SOX6: variants seen among roughly 807,000 people sequenced by gnomAD.
The protein encoded by SOX6 is SRY-box transcription factor 6.
In SOX6, 11 loss-of-function variants were observed where a neutral mutation model predicts 97.8. That is an observed-to-expected ratio of 0.11 (90% CI 0.07 to 0.19). The LOEUF (loss-of-function observed/expected upper bound fraction) is 0.19, where lower values mean the gene tolerates loss of function less well. Ranked by LOEUF, SOX6 falls within the 10% of genes least tolerant of loss-of-function variation. The probability of loss-of-function intolerance (pLI) is 1.00; values close to 1 mark genes in which losing one functional copy is unlikely to be tolerated. For missense variants in SOX6, 810 were observed against 1,039.5 expected (o/e 0.78, Z 3.04); for synonymous variants, 360 against 371.4 (o/e 0.97, Z 0.35).
At chr11:16,421,110 G>A (rs540597578) in intron 1 of SOX6, among the ~76,000 whole-genome samples, 1 of 152,206 alleles carries the variant, frequency 6.6e-6, no homozygotes, top group East Asian at 1.9e-4. Flanking sequence ...ACTCAACCTG[G>A]AGTCTAACAG....
At chr11:16,446,288 A>G (rs1328174119) in intron 1 of SOX6, among the ~76,000 whole-genome samples, 1 of 152,120 alleles carries the variant, frequency 6.6e-6, no homozygotes, top group Non-Finnish European at 1.5e-5. Context: ...GGAAAAAGAA[A>G]GAGACAGAAA....
chr11:16,548,659 A>G (rs947716655), intron 4 of SOX6, among the ~76,000 whole-genome samples: 2 of 152,164 alleles, frequency 1.3e-5, no homozygotes, highest in African/African-American at 4.8e-5. Context: ...GACACTTAAA[A>G]TGAACGGGCT....
At chr11:16,038,312 G>T (rs1358179908) in intron 12 of SOX6, among the ~76,000 whole-genome samples, 1 of 152,042 alleles carries the variant, frequency 6.6e-6, no homozygotes, top group Admixed American at 6.6e-5. Context: ...AAACCCTTGT[G>T]CATAGAAACT....
intron 12 of SOX6, among the ~76,000 whole-genome samples, chr11:16,025,853 TA>T (rs947175475): frequency 2.0e-5 from 3 of 152,064 alleles, no homozygotes; most frequent in Non-Finnish European, 4.4e-5. Flanking sequence ...TCCTATAATT[TA>T]AAAAAATATG....
intron 1 of SOX6, among the ~76,000 whole-genome samples, chr11:16,412,629 C>T (rs1439394658): frequency 5.3e-5 from 8 of 152,086 alleles, no homozygotes; most frequent in Non-Finnish European, 2.9e-5. Context: ...AAAAGTAAAC[C>T]AACAGGCAAA....
chr11:15,974,547 G>A (rs1186175780), intron 15 of SOX6, among the ~76,000 whole-genome samples: 21 of 78,412 alleles, frequency 2.7e-4, no homozygotes, highest in South Asian at 3.9e-4. Flanking sequence ...CCCCTCCCCC[G>A]ACCCGACCAC....
chr11:16,413,589 C>T (rs1238061067), intron 1 of SOX6, among the ~76,000 whole-genome samples: 2 of 138,056 alleles, frequency 1.4e-5, no homozygotes, highest in African/African-American at 5.5e-5. Context: ...GGCGTGATCT[C>T]GGCTCACTGC....
chr11:16,239,074 G>C (rs1026546195), intron 3 of SOX6, among the ~76,000 whole-genome samples: 4 of 152,012 alleles, frequency 2.6e-5, no homozygotes, highest in Admixed American at 2.0e-4. Context: ...TTTTCATTAG[G>C]AAACACAGAG....
intron 3 of SOX6, among the ~76,000 whole-genome samples, chr11:16,622,085 A>T (rs1216700336): frequency 1.3e-5 from 2 of 152,150 alleles, no homozygotes; most frequent in East Asian, 3.9e-4. Context: ...TGCAAAAAGT[A>T]AAAAATTCAA....
chr11:16,469,761 G>A (rs990996822), intron 1 of SOX6, among the ~76,000 whole-genome samples: 3 of 151,962 alleles, frequency 2.0e-5, no homozygotes, highest in African/African-American at 7.2e-5. Flanking sequence ...AATTCAGAAA[G>A]TCAGAGAGGG....
intron 6 of SOX6, among the ~76,000 whole-genome samples, chr11:16,135,522 A>G (rs1849938181): frequency 6.6e-6 from 1 of 152,188 alleles, no homozygotes; most frequent in South Asian, 2.1e-4. Flanking sequence ...GATGATTTTG[A>G]GGGGTTCAAG....
At chr11:16,523,767 T>G (rs570975414) in intron 4 of SOX6, among the ~76,000 whole-genome samples, 1 of 151,696 alleles carries the variant, frequency 6.6e-6, no homozygotes, top group Non-Finnish European at 1.5e-5. Context: ...GAAAGAAGAA[T>G]CAAATAGACT....
chr11:16,189,667 C>A (rs183492620), intron 4 of SOX6, among the ~76,000 whole-genome samples: 279 of 147,550 alleles, frequency 1.9e-3, no homozygotes, highest in Middle Eastern at 7.1e-3. Context: ...GTGATATGGT[C>A]ATTTTGGTTG....
intron 3 of SOX6, among the ~76,000 whole-genome samples, chr11:16,612,853 C>G (rs1279717695): frequency 1.3e-5 from 2 of 152,056 alleles, no homozygotes; most frequent in Admixed American, 1.3e-4. Context: ...CCTGCAGCAC[C>G]AATACCTAAG....
chr11:16,335,886 T>C (rs1856445356), intron 2 of SOX6, among the ~76,000 whole-genome samples: 1 of 152,228 alleles, frequency 6.6e-6, no homozygotes, highest in Admixed American at 6.5e-5. Flanking sequence ...AGTTATTTAT[T>C]AAATATCTCA....
intron 3 of SOX6, among the ~76,000 whole-genome samples, chr11:16,685,857 C>T (rs1847965348): frequency 6.6e-6 from 1 of 152,270 alleles, no homozygotes; most frequent in Non-Finnish European, 1.5e-5. Context: ...CTTTCTCATA[C>T]ATTCTCTGAA....
chr11:16,562,208 A>G (rs1847823707), intron 4 of SOX6, among the ~76,000 whole-genome samples: 1 of 152,110 alleles, frequency 6.6e-6, no homozygotes, highest in African/African-American at 2.4e-5. Context: ...TCCCCAAAAC[A>G]CAACTAAAAA....
At chr11:16,703,482 A>ATACAAAGACTTCTTTAAAT (rs1213405911) in intron 3 of SOX6, among the ~76,000 whole-genome samples, 2 of 152,158 alleles carry the variant, frequency 1.3e-5, no homozygotes, top group East Asian at 3.8e-4. Context: ...TTTTTTTTAA[A>ATACAAAGACTTCTTTAAAT]TACAAAGACT....
chr11:16,649,067 CAAAGAAAAAAGAAG>C (rs1849054539), intron 3 of SOX6, among the ~76,000 whole-genome samples: 1 of 148,082 alleles, frequency 6.8e-6, no homozygotes, highest in East Asian at 2.0e-4. Flanking sequence ...CAGACGGAGA[CAAAGAAAAAAGAAG>C]GAAAAAAAAA....
Sources: gnomAD v4.1 joint callset for allele counts (sites outside exome capture counted in the v4.1 genomes callset) on GRCh38, gnomAD v4.1.1 for gene constraint, MANE v1.5 for transcripts, NCBI Gene and HGNC (gene_info 2026-07-23, HGNC 2026-07-21) for gene names.